Variants in VEGFC observed in about 807,000 individuals in gnomAD.
VEGFC encodes the protein vascular endothelial growth factor C.
In VEGFC, 12 loss-of-function variants were observed where a neutral mutation model predicts 46.1. The observed-to-expected ratio is 0.26, with a 90% CI of 0.17 to 0.42. The LOEUF is 0.42. Ranked by LOEUF, VEGFC falls within the 10% of genes least tolerant of loss-of-function variation. The pLI, the probability that VEGFC is intolerant of heterozygous loss-of-function variation, is 1.00. For synonymous variants in VEGFC, 232 were observed against 195.5 expected, an observed-to-expected ratio of 1.19 and a Z score of -1.56; for missense variants, 488 against 529.4, an observed-to-expected ratio of 0.92 and a Z score of 0.77.
At chr4:176,692,851 C>T (rs1215649185) in intron 4 of VEGFC, among the ~76,000 whole-genome samples, 8 of 146,040 alleles carry the variant, frequency 5.5e-5, no homozygotes, top group African/African-American at 2.1e-4. Context: ...TGGGAGGCAC[C>T]CCCCAGCAGG....
chr4:176,741,605 T>C (rs545677967), intron 1 of VEGFC, among the ~76,000 whole-genome samples: 2 of 151,846 alleles, frequency 1.3e-5, no homozygotes, highest in Non-Finnish European at 1.5e-5. Flanking sequence ...CTATGGATAA[T>C]AAAAAAAGAT....
intron 1 of VEGFC, among the ~76,000 whole-genome samples, chr4:176,791,488 A>G (rs1439323831): frequency 6.6e-6 from 1 of 151,240 alleles, no homozygotes; most frequent in African/African-American, 2.4e-5. Context: ...AACCCAAACA[A>G]GAAAAAAAAA....
intron 4 of VEGFC, among the ~76,000 whole-genome samples, chr4:176,698,008 T>C (rs566178368): frequency 1.3e-5 from 2 of 151,764 alleles, no homozygotes; most frequent in East Asian, 3.9e-4. Flanking sequence ...GGGGGAGGGA[T>C]AGCATTGGGA....
rs562571704 is a variant in VEGFC at position 176,716,357 on chromosome 4, A to G, written c.553-4707T>C. On this transcript the variant is annotated intron_variant, in intron 3 of 6. Transcript: ENST00000618562. ...TTTGGGAGGCTGAGGTGGGAGGATC[A>G]CTTGAGGTCAGGAGTTCAAGACCAG... 2.0e-5 allele frequency among the ~76,000 whole-genome samples: 3 copies of G among 151,998 alleles called. No homozygotes were observed. In the East Asian group the frequency reaches 5.8e-4, roughly 30 times the overall value.
At chr4:176,692,026 G>A (rs1367179220) in intron 4 of VEGFC, among the ~76,000 whole-genome samples, 1 of 152,016 alleles carries the variant, frequency 6.6e-6, no homozygotes, top group Non-Finnish European at 1.5e-5. Context: ...CCTAGTCAAA[G>A]AAAGGGGTGA....
At chr4:176,786,042 T>C (rs1735997659) in intron 1 of VEGFC, among the ~76,000 whole-genome samples, 1 of 152,006 alleles carries the variant, frequency 6.6e-6, no homozygotes, top group Non-Finnish European at 1.5e-5. Flanking sequence ...TCGAATACCA[T>C]ATATGGGTGG....
chr4:176,752,136 A>G (rs1410171635), intron 1 of VEGFC, among the ~76,000 whole-genome samples: 1 of 151,992 alleles, frequency 6.6e-6, no homozygotes, highest in Non-Finnish European at 1.5e-5. Flanking sequence ...TTTGAGCTGT[A>G]TCTTTTCTGT....
At chr4:176,755,405 A>G (rs796970950) in intron 1 of VEGFC, among the ~76,000 whole-genome samples, 7 of 152,098 alleles carry the variant, frequency 4.6e-5, no homozygotes, top group African/African-American at 1.7e-4. Flanking sequence ...CTTGGTCAGG[A>G]TAAGTCTGAG....
At position 176,792,119 on chromosome 4, in the gene VEGFC, C is replaced by G. The variant is rs1736104871; in HGVS notation, c.147+46G>C. 8 of 1,428,816 alleles carry G rather than the reference C, an allele frequency of 5.6e-6. No individual in the cohort carries two copies. Among genetic ancestry groups the G allele is most frequent in the Non-Finnish European group, 7.3e-6 (8 of 1,088,500 alleles). The allele number at this position is 1,428,816 out of a possible 1,614,324, so 88.5% of individuals were successfully genotyped here. A position where few individuals can be genotyped will look rare whatever the true frequency, so the allele number is the denominator to read the frequency against. ...CAGGTTCTCGGGTCCGCCGCAGACC[C>G]TAACGCAAACTCTCGGGTTCTCCGC... On this transcript the variant is annotated intron_variant, in intron 1 of 6. Coordinates refer to ENST00000618562, the MANE Select transcript of VEGFC (RefSeq NM_005429.5). This position sits in a 1 kb window ranked among gnomAD's most constrained non-coding sequence, Gnocchi z 6.3.
chr4:176,699,732 G>A (rs1734392786), intron 4 of VEGFC, among the ~76,000 whole-genome samples: 1 of 152,200 alleles, frequency 6.6e-6, no homozygotes, highest in South Asian at 2.1e-4. Context: ...TGAATGGAAG[G>A]TGGTTAAGTA....
At chr4:176,784,858 T>C (rs534414904) in intron 1 of VEGFC, among the ~76,000 whole-genome samples, 150 of 151,960 alleles carry the variant, frequency 9.9e-4, no homozygotes, top group Non-Finnish European at 1.7e-3. Flanking sequence ...CTACTCATTG[T>C]GCTACAAAGA....
In VEGFC at chr4:176,732,717, A is replaced by C. The variant is rs73872165; in HGVS notation, c.148-2971T>G. On this transcript the variant is annotated intron_variant, in intron 1 of 6. Transcript: ENST00000618562. ...AAAACACATTCATTGAAAAAAAAAA[A>C]CTCTTCAGAGAGCTTTTTTTTCAGA... Among the ~76,000 whole-genome samples, 920 of 151,636 alleles carry C rather than the reference A, an allele frequency of 6.1e-3. 12 individuals are homozygous for C. Among genetic ancestry groups the C allele is most frequent in the African/African-American group, 0.011 (446 of 41,356 alleles).
At chr4:176,744,778 G>C (rs1735234091) in intron 1 of VEGFC, among the ~76,000 whole-genome samples, 1 of 152,082 alleles carries the variant, frequency 6.6e-6, no homozygotes, top group African/African-American at 2.4e-5. Context: ...TGAAGAAGCT[G>C]AGGCTTAGAG....
Position 176,792,096 on chromosome 4 carries a change from G to A in VEGFC, c.147+69C>T, listed in dbSNP as rs890649032. 7.1e-7 allele frequency: 1 copy of A among 1,402,030 alleles called. No individual in the cohort carries two copies. 86.8% of individuals were successfully genotyped at this position (1,402,030 alleles called of 1,614,324 possible). A position where few individuals can be genotyped will look rare whatever the true frequency, so the allele number is the denominator to read the frequency against. On this transcript the variant is annotated intron_variant, in intron 1 of 6. Coordinates refer to ENST00000618562, the MANE Select transcript of VEGFC (RefSeq NM_005429.5). This position sits in a 1 kb window ranked among gnomAD's most constrained non-coding sequence, Gnocchi z 6.3. Reference sequence around the variant, plus strand: ...AAGCACACACACTTTCCCCCGCGCAGGTTCTCGGGTCCGCCGCAGACCCTA... The same window carrying A: ...AAGCACACACACTTTCCCCCGCGCAAGTTCTCGGGTCCGCCGCAGACCCTA...
chr4:176,766,961 A>C (rs1735635743), intron 1 of VEGFC, among the ~76,000 whole-genome samples: 1 of 43,464 alleles, frequency 2.3e-5, no homozygotes, highest in Non-Finnish European at 8.1e-5. Context: ...TAGAGGAAAA[A>C]CAAGAAAAAA....
intron 1 of VEGFC, among the ~76,000 whole-genome samples, chr4:176,744,004 A>G (rs2110883778): frequency 6.6e-6 from 1 of 152,186 alleles, no homozygotes; most frequent in South Asian, 2.1e-4. Flanking sequence ...AACATTTGTT[A>G]CTAGATTTTT....
intron 1 of VEGFC, among the ~76,000 whole-genome samples, chr4:176,767,012 AAAAG>A (rs957883376): frequency 4.6e-5 from 7 of 151,612 alleles, no homozygotes; most frequent in South Asian, 2.1e-4. Flanking sequence ...CCAGTAAAAA[AAAAG>A]AAAGAAAGAA....
chr4:176,770,192 A>G (rs1232675646), intron 1 of VEGFC, among the ~76,000 whole-genome samples: 1 of 152,196 alleles, frequency 6.6e-6, no homozygotes, highest in African/African-American at 2.4e-5. Flanking sequence ...AATATTTAGA[A>G]AAGCTACATT....
chr4:176,728,102 G>C (rs530483645), intron 2 of VEGFC, 134 bp from the exon 3 acceptor site: 1 of 603,932 alleles, frequency 1.7e-6, no homozygotes, highest in Non-Finnish European at 2.7e-6. Flanking sequence ...AGAGACAGCT[G>C]ATGGGATCCT....
Sources: gnomAD v4.1 joint callset for allele counts (sites outside exome capture counted in the v4.1 genomes callset) on GRCh38, gnomAD v4.1.1 for gene constraint, Gnocchi (gnomAD v3.1) non-coding constraint, MANE v1.5 for transcripts, NCBI Gene and HGNC (gene_info 2026-07-23, HGNC 2026-07-21) for gene names.